AKAP7: variants seen among roughly 807,000 people sequenced by gnomAD.
The protein encoded by AKAP7 is A-kinase anchoring protein 7.
Under a neutral mutation model 39.5 loss-of-function variants are expected in AKAP7, and 39 were observed. That is an observed-to-expected ratio of 0.99 (90% CI 0.76 to 1.29). AKAP7 has a LOEUF of 1.29. Ranked by LOEUF, AKAP7 falls within the 50% of genes most tolerant of loss-of-function variation. The pLI is 0.00. For synonymous variants in AKAP7, 140 were observed against 139.1 expected (o/e 1.01, Z -0.05); for missense variants, 414 against 407.7 (o/e 1.02, Z -0.13).
chr6:131,163,172 G>A (rs1803157527), intron 3 of AKAP7, among the ~76,000 whole-genome samples: 1 of 152,074 alleles, frequency 6.6e-6, no homozygotes, highest in Admixed American at 6.6e-5. Flanking sequence ...TATAATAGAG[G>A]GAAATGCAGG....
At chr6:131,237,563 A>C (rs1213005404) in intron 7 of AKAP7, among the ~76,000 whole-genome samples, 2 of 152,072 alleles carry the variant, frequency 1.3e-5, no homozygotes, top group East Asian at 3.9e-4. Flanking sequence ...GTAAGCTATT[A>C]ATTATTGCCT....
At chr6:131,190,441 A>C (rs1019495062) in intron 5 of AKAP7, among the ~76,000 whole-genome samples, 1 of 152,046 alleles carries the variant, frequency 6.6e-6, no homozygotes, top group Admixed American at 6.6e-5. Context: ...CCAGGAGTGC[A>C]AGATCAGATT....
rs1471965922 is a variant in AKAP7 at position 131,135,748 on chromosome 6, C to T, written c.-16C>T. On this transcript the variant is annotated 5_prime_UTR_variant, in exon 1 of 8. Coordinates refer to ENST00000431975, the MANE Select transcript of AKAP7 (RefSeq NM_016377.4). ...CTGCCGCCAGCCCAGACGCGCCGCCCGCATGCGCCGCGACCATGGAGCGCC... is the reference window on the plus strand; with the variant it reads ...CTGCCGCCAGCCCAGACGCGCCGCCTGCATGCGCCGCGACCATGGAGCGCC... The T allele has an allele frequency of 4.9e-6, 6 of 1,225,302 alleles. 1 individual carries two copies. The South Asian group carries it at 1.6e-4, about 33-fold the overall frequency. 75.9% of individuals were successfully genotyped at this position (1,225,302 alleles called of 1,614,324 possible).
At chr6:131,129,424 TA>T in the AKAP7 span, among the ~76,000 whole-genome samples, 3 of 152,200 alleles carry the variant, frequency 2.0e-5, no homozygotes, top group African/African-American at 7.2e-5. Context: ...TTCATTTTTA[TA>T]AAATATATGC....
At chr6:131,214,624 A>G (rs1393503422) in intron 6 of AKAP7, among the ~76,000 whole-genome samples, 1 of 152,196 alleles carries the variant, frequency 6.6e-6, no homozygotes, top group African/African-American at 2.4e-5. Flanking sequence ...TATAAGTAGC[A>G]TCTATGAATT....
intron 6 of AKAP7, among the ~76,000 whole-genome samples, chr6:131,219,313 C>A (rs375082784): frequency 1.3e-5 from 2 of 151,180 alleles, no homozygotes; most frequent in African/African-American, 4.9e-5. Context: ...AAAAAATTAT[C>A]CATTTCTCCA....
chr6:131,221,921 T>C (rs955858045), intron 7 of AKAP7, among the ~76,000 whole-genome samples: 1 of 152,236 alleles, frequency 6.6e-6, no homozygotes, highest in African/African-American at 2.4e-5. Flanking sequence ...GCTAACACAG[T>C]GTCCATTCTG....
intron 1 of AKAP7, among the ~76,000 whole-genome samples, chr6:131,140,632 A>G (rs1800956433): frequency 6.6e-6 from 1 of 152,210 alleles, no homozygotes; most frequent in African/African-American, 2.4e-5. Context: ...TTTTATCACT[A>G]AATTCTTAGA....
At chr6:131,178,453 T>C (rs1804784407) in intron 5 of AKAP7, among the ~76,000 whole-genome samples, 1 of 152,238 alleles carries the variant, frequency 6.6e-6, no homozygotes, top group African/African-American at 2.4e-5. Flanking sequence ...CCATCACAGC[T>C]GTTGCTTTTC....
At chr6:131,253,181 A>G in intron 7 of AKAP7, 1 of 1,341,496 alleles carries the variant, frequency 7.5e-7, no homozygotes, top group African/African-American at 1.5e-5. Context: ...GGTGGTAGAT[A>G]GAAATAATTC....
chr6:131,250,831 A>G (rs1475984647), intron 7 of AKAP7, among the ~76,000 whole-genome samples: 1 of 152,200 alleles, frequency 6.6e-6, no homozygotes, highest in Admixed American at 6.5e-5. Context: ...TTAAAAATAC[A>G]AAATACTGAA....
At chr6:131,150,186 G>C (rs1286894697) in intron 2 of AKAP7, among the ~76,000 whole-genome samples, 1 of 152,000 alleles carries the variant, frequency 6.6e-6, no homozygotes, top group Non-Finnish European at 1.5e-5. Context: ...CCTAAATGTG[G>C]AATTCAGTTC....
At chr6:131,242,515 T>TAA (rs1343994420) in intron 7 of AKAP7, among the ~76,000 whole-genome samples, 1 of 150,262 alleles carries the variant, frequency 6.7e-6, no homozygotes, top group Non-Finnish European at 1.5e-5. Context: ...TATATATATA[T>TAA]AATTACTTAT....
intron 5 of AKAP7, among the ~76,000 whole-genome samples, chr6:131,186,412 G>C (rs1805862595): frequency 6.6e-6 from 1 of 152,228 alleles, no homozygotes; most frequent in African/African-American, 2.4e-5. Flanking sequence ...TTTCTTATAA[G>C]TTATCCAGTC....
chr6:131,200,188 CT>C (rs1807416805), intron 6 of AKAP7: 1 of 152,296 alleles, frequency 6.6e-6, no homozygotes, highest in African/African-American at 2.4e-5. Context: ...TTGACTTCCC[CT>C]GTCTCAGGGT....
rs1194152337 is a variant in AKAP7, at chr6:131,283,505, G to A, written c.*1779G>A. On this transcript the variant is annotated 3_prime_UTR_variant, in exon 8 of 8. Coordinates refer to ENST00000431975, the MANE Select transcript of AKAP7 (RefSeq NM_016377.4). The stretch of plus-strand genomic sequence containing the variant: ...ACAAATGAGTTTATGCATTTTCATG[G>A]CTCTTAATAAACATATTGTTTTCCC... 1 of 152,184 alleles carries A rather than the reference G, an allele frequency of 6.6e-6. No homozygotes were observed. Among genetic ancestry groups the A allele is most frequent in the South Asian group, 2.1e-4 (1 of 4,820 alleles). 9.4% of individuals were successfully genotyped at this position (152,184 alleles called of 1,614,324 possible). A position where few individuals can be genotyped will look rare whatever the true frequency, so the allele number is the denominator to read the frequency against.
intron 7 of AKAP7, among the ~76,000 whole-genome samples, chr6:131,232,356 G>C (rs1033173047): frequency 5.9e-5 from 9 of 152,158 alleles, no homozygotes; most frequent in African/African-American, 2.2e-4. Flanking sequence ...GAAATTCTTA[G>C]TGTGCAGTCT....
At position 131,255,103 on chromosome 6, in the gene AKAP7, G is replaced by T. The variant is rs551138925; in HGVS notation, c.851-26427G>T. Among the ~76,000 whole-genome samples, 27 of 152,222 alleles carry T rather than the reference G, an allele frequency of 1.8e-4. 1 individual carries two copies. The South Asian group carries it at 3.7e-3, about 21-fold the overall frequency. On this transcript the variant is annotated intron_variant, in intron 7 of 7. Transcript: ENST00000431975. Reference sequence around the variant, plus strand: ...TAGAAATCCTATAGCCTTATACTTTGCTCTTCTCATTTGCACCTAAGATAT... The same window carrying T: ...TAGAAATCCTATAGCCTTATACTTTTCTCTTCTCATTTGCACCTAAGATAT...
intron 5 of AKAP7, among the ~76,000 whole-genome samples, chr6:131,171,106 GA>G (rs1309532772): frequency 6.6e-6 from 1 of 151,830 alleles, no homozygotes; most frequent in African/African-American, 2.4e-5. Context: ...TGAGTAGGAA[GA>G]ATTCATTCCT....
Sources: allele counts gnomAD v4.1 joint callset (sites outside exome capture counted in the v4.1 genomes callset), GRCh38; gene constraint gnomAD v4.1.1; transcripts MANE v1.5; gene names NCBI Gene and HGNC (gene_info 2026-07-23, HGNC 2026-07-21).